ANKH: variants seen among roughly 807,000 people sequenced by gnomAD.
ANKH encodes ANKH inorganic pyrophosphate transport regulator, also known as mineralization regulator ANKH.
ANKH carries 15 observed loss-of-function variants against 49.0 expected under a neutral mutation model. That is an observed-to-expected ratio of 0.31 (90% confidence interval 0.20 to 0.47). ANKH has a LOEUF of 0.47. ANKH is among the 20% of genes least tolerant of loss of function. The pLI is 1.00. For synonymous variants in ANKH, 273 were observed against 260.0 expected (o/e 1.05, Z -0.48); for missense variants, 429 against 652.0 (o/e 0.66, Z 3.72).
At chr5:14,793,625 T>C (rs1298780634) in intron 1 of ANKH, among the ~76,000 whole-genome samples, 1 of 152,168 alleles carries the variant, frequency 6.6e-6, no homozygotes, top group African/African-American at 2.4e-5. Flanking sequence ...CTTGCAGGAA[T>C]GGTGGCTGCA....
In ANKH at chr5:14,871,553, G is replaced by A. The variant is rs1735829365; in HGVS notation, c.-106C>T. On this transcript the variant is annotated 5_prime_UTR_variant, in exon 1 of 12. Transcript: ENST00000284268. ...GGGGCGAGCGGGGCGCGGGCCGACA[G>A]AGGCCGCGGGCGGCGGGGCCTCGGG... 2.9e-6 allele frequency: 2 copies of A among 699,120 alleles called. No homozygotes were observed. The highest frequency in any genetic ancestry group is 4.7e-5 in the South Asian group (1 of 21,346). 43.3% of individuals were successfully genotyped at this position (699,120 alleles called of 1,614,324 possible). A position where few individuals can be genotyped will look rare whatever the true frequency, so the allele number is the denominator to read the frequency against.
chr5:14,776,967 G>A (rs1055326503), intron 1 of ANKH, among the ~76,000 whole-genome samples: 2 of 152,208 alleles, frequency 1.3e-5, no homozygotes, highest in Admixed American at 6.5e-5. Flanking sequence ...GGCACTTAGC[G>A]ATGTGGAATG....
At chr5:14,820,459 G>C (rs1367476759) in intron 1 of ANKH, among the ~76,000 whole-genome samples, 1 of 152,184 alleles carries the variant, frequency 6.6e-6, no homozygotes, top group African/African-American at 2.4e-5. Context: ...ATAAGAACAA[G>C]GGAGAATGAC....
In ANKH at chr5:14,711,214, T is replaced by C. The variant is rs1737177337; in HGVS notation, c.1462A>G (p.Arg488Gly). The change falls in exon 12 of 12, where the codon AGA becomes GGA. Residue 488 changes from arginine to glycine, a missense_variant. Physicochemically the swap from Arg to Gly is moderately radical, Grantham distance 125. Coordinates refer to ENST00000284268, the MANE Select transcript of ANKH (RefSeq NM_054027.6). ...TEEVTDIVEM[R>G]EENE ...CCCGTGCCTTATTCATTCTCCTCTC[T>C]CATTTCCACGATGTCTGTCACCTCC... 6.2e-7 allele frequency: 1 copy of C among 1,614,106 alleles called. No homozygotes were observed. Among genetic ancestry groups the C allele is most frequent in the Non-Finnish European group, 8.5e-7 (1 of 1,179,992 alleles).
At chr5:14,816,906 G>A (rs551628356) in intron 1 of ANKH, among the ~76,000 whole-genome samples, 1 of 152,196 alleles carries the variant, frequency 6.6e-6, no homozygotes, top group Non-Finnish European at 1.5e-5. Flanking sequence ...GAGAGCTCGA[G>A]CTTTTACCTC....
In ANKH at chr5:14,817,257, G is replaced by A. The variant is rs565731752; in HGVS notation, c.97-48066C>T. Among the ~76,000 whole-genome samples the A allele has an allele frequency of 2.3e-3, 353 of 152,258 alleles. 3 individuals are homozygous for A. Among genetic ancestry groups the A allele is most frequent in the African/African-American group, 8.1e-3 (336 of 41,550 alleles). Reference sequence around the variant, plus strand: ...GATGTGTCAGAGGCTGTCTGACCACGCGTGAGGCTCGTTGATGGTGATAGG... The same window carrying A: ...GATGTGTCAGAGGCTGTCTGACCACACGTGAGGCTCGTTGATGGTGATAGG... On this transcript the variant is annotated intron_variant, in intron 1 of 11. Coordinates refer to ENST00000284268, the MANE Select transcript of ANKH (RefSeq NM_054027.6).
chr5:14,813,646 C>T lies in ANKH; in HGVS notation c.97-44455G>A, dbSNP rs566475885. Among the ~76,000 whole-genome samples, 5 of 152,244 alleles carry T rather than the reference C, an allele frequency of 3.3e-5. No homozygotes were observed. The South Asian group carries it at 6.2e-4, about 19-fold the overall frequency. Reference sequence around the variant, plus strand: ...TCCTTACTGTAGCCCCTGCCCACGGCGTCTATCAGAGGCTGAGCTTCACTG... The same window carrying T: ...TCCTTACTGTAGCCCCTGCCCACGGTGTCTATCAGAGGCTGAGCTTCACTG... On this transcript the variant is annotated intron_variant, in intron 1 of 11. Transcript: ENST00000284268.
At chr5:14,717,933 T>C (rs910842225) in intron 8 of ANKH, among the ~76,000 whole-genome samples, 6 of 152,190 alleles carry the variant, frequency 3.9e-5, no homozygotes, top group African/African-American at 4.8e-5. Context: ...GGATGAGGCA[T>C]ACTCAATCTG....
intron 2 of ANKH, 63 bp from the exon 3 acceptor site, chr5:14,758,661 G>A: frequency 1.6e-6 from 2 of 1,215,538 alleles, no homozygotes; most frequent in South Asian, 1.2e-5. Flanking sequence ...TATTCTTTTT[G>A]TTTCAAAAGC....
intron 8 of ANKH, among the ~76,000 whole-genome samples, chr5:14,721,669 T>G (rs12187020): frequency 6.6e-6 from 1 of 152,266 alleles, no homozygotes; most frequent in East Asian, 1.9e-4. Context: ...TGGTGGCTCA[T>G]GCCTGTAATC....
intron 1 of ANKH, among the ~76,000 whole-genome samples, chr5:14,810,402 G>C (rs373544103): frequency 6.6e-6 from 1 of 151,728 alleles, no homozygotes; most frequent in Non-Finnish European, 1.5e-5. Context: ...CAGGTGATCC[G>C]CCTGCCTCAG....
At chr5:14,860,390 A>G (rs1005998080) in intron 1 of ANKH, among the ~76,000 whole-genome samples, 5 of 151,934 alleles carry the variant, frequency 3.3e-5, no homozygotes, top group African/African-American at 9.7e-5. Flanking sequence ...GTTATTTGTT[A>G]CTCTCCTCTG....
chr5:14,774,180 C>A (rs1739537958), intron 1 of ANKH, among the ~76,000 whole-genome samples: 1 of 152,198 alleles, frequency 6.6e-6, no homozygotes, highest in Admixed American at 6.5e-5. Context: ...CAGAAACATT[C>A]AGTTATCATG....
intron 1 of ANKH, among the ~76,000 whole-genome samples, chr5:14,835,135 T>C (rs1741616468): frequency 6.6e-6 from 1 of 152,228 alleles, no homozygotes; most frequent in African/African-American, 2.4e-5. Context: ...TTACAAGTTT[T>C]TTAAAAAATA....
chr5:14,841,328 G>A (rs764650016), intron 1 of ANKH, among the ~76,000 whole-genome samples: 10 of 149,696 alleles, frequency 6.7e-5, no homozygotes, highest in Admixed American at 2.0e-4. Flanking sequence ...ATGAAGTCTC[G>A]CTCTGTCACC....
chr5:14,741,737 G>A (rs1738362598), intron 8 of ANKH, 90 bp downstream of exon 8: 1 of 918,780 alleles, frequency 1.1e-6, no homozygotes, highest in East Asian at 2.5e-5. Flanking sequence ...ATTACATTGT[G>A]GAAAATAAGA....
chr5:14,714,338 G>A (rs1167934736), intron 9 of ANKH, among the ~76,000 whole-genome samples: 1 of 152,230 alleles, frequency 6.6e-6, no homozygotes, highest in African/African-American at 2.4e-5. Context: ...GGACAGCGGG[G>A]AACTGTGGAG....
intron 1 of ANKH, among the ~76,000 whole-genome samples, chr5:14,783,973 G>A (rs1202326176): frequency 6.6e-6 from 1 of 152,224 alleles, no homozygotes; most frequent in Non-Finnish European, 1.5e-5. Context: ...CGGGTAAGGG[G>A]ACCAAGGAGA....
intron 1 of ANKH, chr5:14,797,212 T>C: frequency 1.5e-6 from 2 of 1,332,984 alleles, no homozygotes. Flanking sequence ...TGCATGATAT[T>C]GTCTTCCGAT....
Sources: allele counts gnomAD v4.1 joint callset (sites outside exome capture counted in the v4.1 genomes callset), GRCh38; gene constraint gnomAD v4.1.1; transcripts MANE v1.5; gene names NCBI Gene and HGNC (gene_info 2026-07-23, HGNC 2026-07-21).